Variants in NR4A1 observed in about 807,000 individuals in gnomAD.
The protein encoded by NR4A1 is nuclear receptor subfamily 4immunitygroup A member 1.
In NR4A1, 24 loss-of-function variants were observed where a neutral mutation model predicts 47.5. That is an observed-to-expected ratio of 0.50 (90% confidence interval 0.37 to 0.71). The LOEUF (loss-of-function observed/expected upper bound fraction) is 0.71, where lower values mean the gene tolerates loss of function less well. Among genes scored for constraint, NR4A1 ranks in the 30% least tolerant of loss-of-function variants. The pLI, the probability that NR4A1 is intolerant of heterozygous loss-of-function variation, is 0.00. For synonymous variants in NR4A1, 353 were observed against 345.7 expected (o/e 1.02, Z -0.24); for missense variants, 669 against 788.6 (o/e 0.85, Z 1.82).
chr12:52,054,390 T>G lies in NR4A1; in HGVS notation c.62T>G (p.Leu21Arg). 6.2e-7 allele frequency: 1 copy of G among 1,613,052 alleles called. No individual in the cohort carries two copies. Among genetic ancestry groups the G allele is most frequent in the Non-Finnish European group, 8.5e-7 (1 of 1,179,630 alleles). Residue 21 changes from leucine to arginine, a missense_variant, in exon 2 of 7, where the codon CTG becomes CGG. Physicochemically the swap from Leu to Arg is moderately radical, Grantham distance 102. Transcript: ENST00000394825. ...CCGAGTCCGGGACCCCGTGACCACC[T>G]GGCAAGCGACCCCCTGACCCCTGAG... Reference protein sequence around the residue: ...PAPSPGPRDHLASDPLTPEFI... With the variant: ...PAPSPGPRDHRASDPLTPEFI...
At chr12:52,030,586 G>A (rs1938101898) in intron 1 of NR4A1, among the ~76,000 whole-genome samples, 1 of 152,110 alleles carries the variant, frequency 6.6e-6, no homozygotes, top group East Asian at 1.9e-4. Flanking sequence ...AGGCCACCAT[G>A]CTGGGCTAAT....
At chr12:52,037,955 G>A in intron 1 of NR4A1, 3 of 981,986 alleles carry the variant, frequency 3.1e-6, no homozygotes, top group Non-Finnish European at 3.6e-6. Flanking sequence ...CTTATACTGG[G>A]TGGGGTGGGG....
chr12:52,052,003 TC>T (rs1938984692), intron 1 of NR4A1, among the ~76,000 whole-genome samples: 1 of 152,130 alleles, frequency 6.6e-6, no homozygotes, highest in Admixed American at 6.5e-5. Context: ...AGGCCCTCCT[TC>T]CTCCCAGCCT....
At chr12:52,026,080 A>G (rs1481198385) in intron 1 of NR4A1, among the ~76,000 whole-genome samples, 1 of 152,352 alleles carries the variant, frequency 6.6e-6, no homozygotes, top group East Asian at 1.9e-4. Flanking sequence ...ACCCCTGAGC[A>G]GCTGATGCTT....
At chr12:52,055,244 G>C in intron 2 of NR4A1, 40 bp downstream of exon 2, 1 of 1,603,252 alleles carries the variant, frequency 6.2e-7, no homozygotes, top group Non-Finnish European at 8.5e-7. Flanking sequence ...GTTGGAAATG[G>C]AGAGAGGCTG....
upstream of NR4A1, among the ~76,000 whole-genome samples, chr12:52,049,681 G>A (rs913484580): frequency 6.6e-6 from 1 of 152,136 alleles, no homozygotes; most frequent in African/African-American, 2.4e-5. Flanking sequence ...AACAAAAACG[G>A]GGAGAGGAAA....
chr12:52,057,465 C>T lies in NR4A1; in HGVS notation c.1475C>T (p.Ser492Phe). The change falls in exon 6 of 7, where the codon TCC becomes TTC. Residue 492 changes from serine to phenylalanine, a missense_variant. By Grantham distance (155) the Ser-to-Phe change is radical (BLOSUM62 -2). Coordinates refer to ENST00000394825, the MANE Select transcript of NR4A1 (RefSeq NM_173157.3). ...WIDSILAFSR[S>F]LHSLLVDVPA... ...GACAGTATCCTGGCCTTCTCAAGGT[C>T]CCTGCACAGCTTGCTTGTCGATGTC... is the stretch of plus-strand genomic sequence containing the variant. 1 of 1,614,220 alleles carries T rather than the reference C, an allele frequency of 6.2e-7. No homozygotes were observed. The highest frequency in any genetic ancestry group is 8.5e-7 in the Non-Finnish European group (1 of 1,180,034).
upstream of NR4A1, among the ~76,000 whole-genome samples, chr12:52,047,852 C>T (rs562556087): frequency 6.6e-6 from 1 of 152,354 alleles, no homozygotes; most frequent in African/African-American, 2.4e-5. Flanking sequence ...TGGTTCAACT[C>T]TCAAAGAGCT....
intron 1 of NR4A1, among the ~76,000 whole-genome samples, chr12:52,036,999 G>A (rs2120943704): frequency 6.6e-6 from 1 of 152,314 alleles, no homozygotes; most frequent in South Asian, 2.1e-4. Flanking sequence ...CGGCGTGGGG[G>A]GAGCCGCGGG....
intron 1 of NR4A1, among the ~76,000 whole-genome samples, chr12:52,052,310 A>T (rs1228689362): frequency 1.0e-3 from 147 of 144,038 alleles, no homozygotes; most frequent in African/African-American, 3.6e-3. Context: ...TGTGTGAGAG[A>T]GAGAGAGAGA....
chr12:52,051,493 G>A lies in NR4A1; in HGVS notation c.-78G>A. 1 of 985,640 alleles carries A rather than the reference G, an allele frequency of 1.0e-6. No homozygotes were observed. The highest frequency in any genetic ancestry group is 1.2e-6 in the Non-Finnish European group (1 of 830,064). 61.1% of individuals were successfully genotyped at this position (985,640 alleles called of 1,614,324 possible). On this transcript the variant is annotated 5_prime_UTR_variant, in exon 1 of 7. Coordinates refer to ENST00000394825, the MANE Select transcript of NR4A1 (RefSeq NM_173157.3). ...TTGGGGGAGTGCACAGAAGAACTTC[G>A]GGAGCGCACGCGGGACCAGGGACCA...
chr12:52,049,521 C>T (rs1322538476), upstream of NR4A1, among the ~76,000 whole-genome samples: 2 of 152,186 alleles, frequency 1.3e-5, no homozygotes, highest in Non-Finnish European at 2.9e-5. Flanking sequence ...AGGCTGAGTG[C>T]AGTGGCTCAT....
At chr12:52,031,378 T>C (rs559754278) in intron 1 of NR4A1, among the ~76,000 whole-genome samples, 1 of 151,606 alleles carries the variant, frequency 6.6e-6, no homozygotes, top group East Asian at 2.0e-4. Flanking sequence ...GGCTCACGCC[T>C]GTAATCTCAA....
intron 1 of NR4A1, chr12:52,041,675 G>T: frequency 9.9e-7 from 1 of 1,013,944 alleles, no homozygotes; most frequent in Non-Finnish European, 1.3e-6. Flanking sequence ...GGAGGTCCTT[G>T]GGCGCTGGCT....
intron 1 of NR4A1, among the ~76,000 whole-genome samples, chr12:52,036,061 C>T (rs978011672): frequency 3.3e-5 from 5 of 152,178 alleles, no homozygotes; most frequent in African/African-American, 7.2e-5. Context: ...CTTGCCTGTA[C>T]GGGGGTATAG....
At position 52,056,140 on chromosome 12, in the gene NR4A1, G is replaced by A. The variant is rs774600060; in HGVS notation, c.987G>A (p.Ala329=). The A allele has an allele frequency of 8.7e-6, 14 of 1,608,038 alleles. No homozygotes were observed. Among genetic ancestry groups the A allele is most frequent in the South Asian group, 6.7e-5 (6 of 90,068 alleles). Residue 329 remains alanine, a synonymous_variant, in exon 3 of 7, where the codon GCG becomes GCA. Transcript: ENST00000394825. ...TCTGCCGCTTCCAGAAGTGCCTGGC[G>A]GTGGGCATGGTGAAGGAAGGTGTGT... is the stretch of plus-strand genomic sequence containing the variant. ...CQFCRFQKCL[A]VGMVKEVVRT... is the part of the protein sequence containing the mutation.
intron 2 of NR4A1, chr12:52,043,881 A>C (rs1477079269): frequency 7.8e-7 from 1 of 1,289,120 alleles, no homozygotes; most frequent in East Asian, 5.5e-5. Flanking sequence ...ACCTTTTTCC[A>C]GGGTCAAAGC....
chr12:52,049,762 A>G (rs1938828341), upstream of NR4A1, among the ~76,000 whole-genome samples: 1 of 152,254 alleles, frequency 6.6e-6, no homozygotes, highest in African/African-American at 2.4e-5. Context: ...ATCAGGAGCC[A>G]GGAGCAGAGA....
At chr12:52,057,712 C>G (rs1477597149) in intron 6 of NR4A1, among the ~76,000 whole-genome samples, 182 bp downstream of exon 6, 1 of 152,228 alleles carries the variant, frequency 6.6e-6, no homozygotes, top group Non-Finnish European at 1.5e-5. Flanking sequence ...ATGGGCTCAG[C>G]TGCATCCAGC....
Sources: allele counts gnomAD v4.1 joint callset (sites outside exome capture counted in the v4.1 genomes callset), GRCh38; gene constraint gnomAD v4.1.1; transcripts MANE v1.5; gene names NCBI Gene and HGNC (gene_info 2026-07-23, HGNC 2026-07-21).